The following NOTCH2NLB variants were observed in gnomAD, a reference collection of about 807,000 sequenced individuals.
NOTCH2NLB encodes notch homolog 2 N-terminal-like protein B.
A neutral mutation model predicts 14.8 loss-of-function variants in NOTCH2NLB; 1 was observed. The ratio of observed to expected loss-of-function variants is 0.07; its 90% confidence interval spans 0.02 to 0.32. The LOEUF (loss-of-function observed/expected upper bound fraction) is 0.32. NOTCH2NLB is among the 10% of genes least tolerant of loss of function. The probability of loss-of-function intolerance (pLI) is 1.00; values close to 1 mark genes in which losing one functional copy is unlikely to be tolerated. For missense variants in NOTCH2NLB, 11 were observed against 155.0 expected, an observed-to-expected ratio of 0.07 and a Z score of 4.93; for synonymous variants, 6 against 57.5, an observed-to-expected ratio of 0.10 and a Z score of 4.05.
chr1:148,651,142 GAGA>G (rs1201332940), intron 1 of NOTCH2NLB, among the ~76,000 whole-genome samples: 1 of 34,064 alleles, frequency 2.9e-5, no homozygotes, highest in Admixed American at 4.0e-4. Context: ...GACTCTGCCT[GAGA>G]AAAAAAAAAA....
rs1276231548 is a variant in NOTCH2NLB, at chr1:148,637,237, T to G, written c.77+2779A>C. Among the ~76,000 whole-genome samples the G allele has an allele frequency of 2.8e-5, 4 of 143,626 alleles. No homozygotes were observed. In the East Asian group the frequency reaches 7.8e-4, roughly 28 times the overall value. The allele number at this position is 143,626 out of a possible 152,430, so 94.2% of individuals were successfully genotyped here. ...GTGCGTGCCACCACGCCCAGCTAAT[T>G]TTTTGCATTTTTAGTAGAGATGGGA... On this transcript the variant is annotated intron_variant, in intron 2 of 4. Coordinates refer to ENST00000593495, the Ensembl canonical transcript of NOTCH2NLB.
At chr1:148,661,772 G>A (rs1664696442) in intron 1 of NOTCH2NLB, among the ~76,000 whole-genome samples, 1 of 141,436 alleles carries the variant, frequency 7.1e-6, no homozygotes, top group Non-Finnish European at 1.6e-5. Flanking sequence ...ATTGCTGTGA[G>A]AGTCAAAATG....
intron 2 of NOTCH2NLB, among the ~76,000 whole-genome samples, chr1:148,625,330 TGTC>T (rs1227150793): frequency 1.3e-5 from 1 of 75,732 alleles, no homozygotes; most frequent in Non-Finnish European, 2.4e-5. Context: ...GCTGCAGCTC[TGTC>T]TTTAGCTTTT....
rs1448508220 is a variant in NOTCH2NLB, at chr1:148,622,327, G to A, written c.78-6377C>T. The stretch of plus-strand genomic sequence containing the variant: ...GGAGGTTGCAGTGAGCCAAGATCGC[G>A]TCACTGCACTCCAGCCTGGGCAACA... On this transcript the variant is annotated intron_variant, in intron 2 of 4. Coordinates refer to ENST00000593495, the Ensembl canonical transcript of NOTCH2NLB. Among the ~76,000 whole-genome samples the A allele has an allele frequency of 7.2e-5, 8 of 111,708 alleles. 1 individual carries two copies. The highest frequency in any genetic ancestry group is 1.7e-4 in the Admixed American group (2 of 11,980). The allele number at this position is 111,708 out of a possible 152,430, so 73.3% of individuals were successfully genotyped here.
chr1:148,693,088 G>GC, the NOTCH2NLB span, among the ~76,000 whole-genome samples: 3,239 of 63,720 alleles, frequency 0.051, 29 homozygotes, highest in South Asian at 0.085. Context: ...GAAGAGAGCC[G>GC]CCCCCCCCCC....
chr1:148,670,533 A>AT (rs1664743280), intron 1 of NOTCH2NLB, among the ~76,000 whole-genome samples: 7 of 22,062 alleles, frequency 3.2e-4, no homozygotes, highest in African/African-American at 8.5e-4. Context: ...ATAAACTAAA[A>AT]AAAAAAATAT....
chr1:148,693,100 C>A, the NOTCH2NLB span, among the ~76,000 whole-genome samples: 2 of 101,262 alleles, frequency 2.0e-5, no homozygotes, highest in Non-Finnish European at 1.9e-5. Flanking sequence ...CCCCCCCCCC[C>A]CACCATCCAT....
chr1:148,661,326 G>C (rs1664677762), intron 1 of NOTCH2NLB, among the ~76,000 whole-genome samples: 1 of 149,640 alleles, frequency 6.7e-6, no homozygotes, highest in Non-Finnish European at 1.5e-5. Context: ...ACAATTCCAA[G>C]GTCTATTCCT....
At chr1:148,702,095 C>G in the NOTCH2NLB span, among the ~76,000 whole-genome samples, 4 of 103,350 alleles carry the variant, frequency 3.9e-5, 1 homozygote, top group Admixed American at 1.1e-4. Flanking sequence ...TGTCCTTTCT[C>G]TCTGACAGGC....
the NOTCH2NLB span, among the ~76,000 whole-genome samples, chr1:148,686,604 C>T: frequency 3.7e-4 from 32 of 86,230 alleles, no homozygotes; most frequent in East Asian, 5.3e-3. Flanking sequence ...TTTTAGAGTA[C>T]TTACTAAAGA....
At chr1:148,674,921 T>C (rs1664826698) in intron 1 of NOTCH2NLB, among the ~76,000 whole-genome samples, 2 of 123,492 alleles carry the variant, frequency 1.6e-5, no homozygotes, top group South Asian at 3.0e-4. Context: ...CAGTACAAGT[T>C]TGCAATATCC....
chr1:148,638,270 A>G (rs1664260795), intron 2 of NOTCH2NLB, among the ~76,000 whole-genome samples: 1 of 149,240 alleles, frequency 6.7e-6, no homozygotes, highest in Admixed American at 6.6e-5. Flanking sequence ...AGTTTAAGAA[A>G]CACATTGCTG....
At chr1:148,673,798 A>C (rs1664800558) in intron 1 of NOTCH2NLB, among the ~76,000 whole-genome samples, 1 of 142,916 alleles carries the variant, frequency 7.0e-6, no homozygotes, top group African/African-American at 2.5e-5. Context: ...CTCAAAAAAC[A>C]AACAAACAAA....
chr1:148,679,551 T>C, exon 1 of NOTCH2NLB: 1 of 1,125,790 alleles, frequency 8.9e-7, no homozygotes, highest in Non-Finnish European at 1.1e-6. Context: ...GGTCGCCTCC[T>C]CCGCCGCCGC....
the NOTCH2NLB span, among the ~76,000 whole-genome samples, chr1:148,693,245 T>A: frequency 6.6e-6 from 1 of 152,290 alleles, no homozygotes; most frequent in African/African-American, 2.4e-5. Context: ...AATAAAGCTA[T>A]GGCGTTAAGG....
chr1:148,647,213 A>AT (rs1416412534), intron 1 of NOTCH2NLB, among the ~76,000 whole-genome samples: 2 of 29,668 alleles, frequency 6.7e-5, no homozygotes, highest in Middle Eastern at 0.014. Flanking sequence ...ATCTCACATG[A>AT]TTTTTTTCAT....
intron 3 of NOTCH2NLB, among the ~76,000 whole-genome samples, chr1:148,613,206 G>A (rs1268781797): frequency 2.7e-5 from 4 of 148,762 alleles, no homozygotes; most frequent in African/African-American, 5.0e-5. Flanking sequence ...GTGTGTTTCC[G>A]GATGTATGAA....
At chr1:148,670,553 C>CAT (rs1311446628) in intron 1 of NOTCH2NLB, among the ~76,000 whole-genome samples, 6,732 of 103,956 alleles carry the variant, frequency 0.065, 152 homozygotes, top group Admixed American at 0.1. Context: ...TATATATATA[C>CAT]ATATATATAT....
chr1:148,614,756 A>G (rs1663767298), intron 3 of NOTCH2NLB, among the ~76,000 whole-genome samples: 1 of 1,026 alleles, frequency 9.7e-4, no homozygotes, highest in African/African-American at 2.0e-3. Flanking sequence ...GAGAACATAC[A>G]AAGGATAACT....
Sources: allele counts gnomAD v4.1 joint callset (sites outside exome capture counted in the v4.1 genomes callset), GRCh38; gene constraint gnomAD v4.1.1; transcripts MANE v1.5; gene names NCBI Gene and HGNC (gene_info 2026-07-23, HGNC 2026-07-21).